Variants in C17orf75 observed in about 807,000 individuals in gnomAD.
C17orf75 encodes protein Njmu-R1.
In C17orf75, 32 loss-of-function variants were observed where a neutral mutation model predicts 49.6. The observed-to-expected ratio is 0.65, with a 90% CI of 0.49 to 0.87. The LOEUF (loss-of-function observed/expected upper bound fraction) is 0.87, where lower values mean the gene tolerates loss of function less well. C17orf75 is among the 40% of genes least tolerant of loss of function. The pLI is 0.00. For synonymous variants in C17orf75, 158 were observed against 159.5 expected (o/e 0.99, Z 0.07); for missense variants, 428 against 473.9 (o/e 0.90, Z 0.90).
At position 32,329,431 on chromosome 17, in the gene C17orf75, A is replaced by G. The variant is rs1255296498; in HGVS notation, c.*2332T>C. ...TGCAGTGGCTCAGTTTGGGAGGCCA[A>G]GGTGGGAGGATTGCTTGAGTCCAAG... On this transcript the variant is annotated 3_prime_UTR_variant, in exon 10 of 10. Coordinates refer to ENST00000577809, the MANE Select transcript of C17orf75 (RefSeq NM_022344.4). 1 of 152,000 alleles carries G rather than the reference A, an allele frequency of 6.6e-6. No homozygotes were observed. The highest frequency in any genetic ancestry group is 1.5e-5 in the Non-Finnish European group (1 of 67,996). 9.4% of individuals were successfully genotyped at this position (152,000 alleles called of 1,614,324 possible). A position where few individuals can be genotyped will look rare whatever the true frequency, so the allele number is the denominator to read the frequency against.
intron 3 of C17orf75, 140 bp from the exon 4 acceptor site, chr17:32,338,491 C>T (rs1055020571): frequency 1.0e-5 from 8 of 802,598 alleles, no homozygotes; most frequent in Non-Finnish European, 1.1e-5. Flanking sequence ...CCAGACTTCT[C>T]GTTGGTGTAC....
chr17:32,342,626 TA>T (rs2041392551), upstream of C17orf75, among the ~76,000 whole-genome samples: 2 of 152,130 alleles, frequency 1.3e-5, no homozygotes, highest in Admixed American at 6.5e-5. Context: ...GGAAAACGTT[TA>T]AAAAAATGAC....
At chr17:32,340,642 C>T (rs554198804) in intron 2 of C17orf75, among the ~76,000 whole-genome samples, 27 of 146,334 alleles carry the variant, frequency 1.8e-4, no homozygotes, top group Admixed American at 5.5e-4. Flanking sequence ...GAGACTCTGT[C>T]TCAAAAAAAA....
intron 1 of C17orf75, chr17:32,349,902 T>C: frequency 9.5e-7 from 1 of 1,057,116 alleles, no homozygotes; most frequent in Non-Finnish European, 1.1e-6. Flanking sequence ...TTTTCCGTTT[T>C]TTTGTTTTCT....
chr17:32,333,877 GC>G (rs1403259409), intron 8 of C17orf75, among the ~76,000 whole-genome samples: 3 of 152,186 alleles, frequency 2.0e-5, no homozygotes, highest in Non-Finnish European at 4.4e-5. Flanking sequence ...AATGGCTGAA[GC>G]CCCCTGTATG....
rs1344169442 is a variant in C17orf75, at chr17:32,328,556, A to G, written c.*3207T>C. 1.3e-5 allele frequency: 2 copies of G among 152,256 alleles called. No homozygotes were observed. The highest frequency in any genetic ancestry group is 2.4e-5 in the African/African-American group (1 of 41,462). 9.4% of individuals were successfully genotyped at this position (152,256 alleles called of 1,614,324 possible). ...TCTGTGTGTACAGCACACAAGTAAT[A>G]TACACAAATATATTCCATGTCTGAA... On this transcript the variant is annotated 3_prime_UTR_variant, in exon 10 of 10. Coordinates refer to ENST00000577809, the MANE Select transcript of C17orf75 (RefSeq NM_022344.4).
chr17:32,334,725 G>T, intron 7 of C17orf75, 50 bp downstream of exon 7: 1 of 1,565,894 alleles, frequency 6.4e-7, no homozygotes, highest in Non-Finnish European at 8.7e-7. Context: ...AAACACAGAT[G>T]TCAATCTTGC....
At chr17:32,336,699 A>T (rs998535106) in intron 5 of C17orf75, among the ~76,000 whole-genome samples, 3 of 152,212 alleles carry the variant, frequency 2.0e-5, no homozygotes, top group African/African-American at 7.2e-5. Context: ...TAAATCTTAT[A>T]TGCCTAGAAA....
intron 1 of C17orf75, chr17:32,349,909 T>G: frequency 9.4e-7 from 1 of 1,060,294 alleles, no homozygotes; most frequent in Non-Finnish European, 1.1e-6. Flanking sequence ...TTTTTTTGTT[T>G]TCTGTTTTCC....
upstream of C17orf75, among the ~76,000 whole-genome samples, chr17:32,344,590 CAAA>C (rs35084298): frequency 1.7e-4 from 14 of 82,070 alleles, no homozygotes; most frequent in Admixed American, 2.9e-4. Flanking sequence ...GACTCTGTCT[CAAA>C]AAAAAAAAAA....
chr17:32,345,548 C>T (rs949950927), upstream of C17orf75, among the ~76,000 whole-genome samples: 3 of 141,370 alleles, frequency 2.1e-5, no homozygotes, highest in Non-Finnish European at 4.7e-5. Context: ...AAGAATTCCC[C>T]TGGCCGGGCG....
intron 7 of C17orf75, 55 bp downstream of exon 7, chr17:32,334,720 C>T: frequency 6.4e-7 from 1 of 1,567,620 alleles, no homozygotes; most frequent in Non-Finnish European, 8.7e-7. Flanking sequence ...TTTACAAACA[C>T]AGATGTCAAT....
intron 5 of C17orf75, 126 bp from the exon 6 acceptor site, chr17:32,335,568 AC>A (rs1428548759): frequency 6.0e-6 from 7 of 1,175,006 alleles, no homozygotes; most frequent in Admixed American, 2.7e-5. Flanking sequence ...TAAAGCTAAC[AC>A]CACCAATTCA....
intron 5 of C17orf75, among the ~76,000 whole-genome samples, chr17:32,336,394 T>C (rs551985624): frequency 6.6e-6 from 1 of 152,166 alleles, no homozygotes; most frequent in East Asian, 1.9e-4. Context: ...TTGTATTTGT[T>C]GTAGAGATGG....
upstream of C17orf75, among the ~76,000 whole-genome samples, chr17:32,345,673 T>C (rs1326261810): frequency 6.7e-6 from 1 of 150,220 alleles, no homozygotes; most frequent in Non-Finnish European, 1.5e-5. Flanking sequence ...CTACTAAAAA[T>C]ATAAGAATTA....
At chr17:32,344,434 G>A (rs1033967448), upstream of C17orf75, among the ~76,000 whole-genome samples, 1 of 151,762 alleles carries the variant, frequency 6.6e-6, no homozygotes. Flanking sequence ...TGGCTAATAC[G>A]GTGAAACCCC....
chr17:32,333,090 G>A (rs190330578), intron 9 of C17orf75, among the ~76,000 whole-genome samples: 88 of 151,954 alleles, frequency 5.8e-4, no homozygotes, highest in Admixed American at 1.8e-3. Flanking sequence ...GGATTACAGG[G>A]GTGAGCCACT....
At chr17:32,342,562 T>C (rs2041391892), upstream of C17orf75, among the ~76,000 whole-genome samples, 1 of 152,244 alleles carries the variant, frequency 6.6e-6, no homozygotes, top group Admixed American at 6.5e-5. Context: ...GATAATTTTG[T>C]TAATTCTTGA....
At chr17:32,349,653 C>T (rs756663850) in intron 1 of C17orf75, among the ~76,000 whole-genome samples, 1 of 152,096 alleles carries the variant, frequency 6.6e-6, no homozygotes, top group Middle Eastern at 3.2e-3. Context: ...CTACAGCCGC[C>T]CTAGGACTCC....
Sources: allele counts gnomAD v4.1 joint callset (sites outside exome capture counted in the v4.1 genomes callset), GRCh38; gene constraint gnomAD v4.1.1; transcripts MANE v1.5; gene names NCBI Gene and HGNC (gene_info 2026-07-23, HGNC 2026-07-21).